IFNGR1: variants seen among roughly 807,000 people sequenced by gnomAD.
IFNGR1 encodes interferon gamma receptor 1.
Under a neutral mutation model 35.4 loss-of-function variants are expected in IFNGR1, and 23 were observed. The ratio of observed to expected loss-of-function variants is 0.65; its 90% CI spans 0.47 to 0.92. IFNGR1 has a LOEUF of 0.92. IFNGR1 is among the 40% of genes least tolerant of loss of function. The pLI is 0.00. For synonymous variants in IFNGR1, 199 were observed against 209.5 expected (o/e 0.95, Z 0.43); for missense variants, 533 against 583.4 (o/e 0.91, Z 0.89).
rs146802547 is a variant in IFNGR1 at position 137,213,505 on chromosome 6, A to G, written c.85+5738T>C. On this transcript the variant is annotated intron_variant, in intron 1 of 6. Transcript: ENST00000367739. ...ATTTGTTTTTCCTAACACTTTAATT[A>G]CAATGCAGAAAAAAAAAGGAGGGCC... is the stretch of plus-strand genomic sequence containing the variant. Among the ~76,000 whole-genome samples the G allele has an allele frequency of 8.0e-3, 1,218 of 152,324 alleles. 15 individuals are homozygous for G. The highest frequency in any genetic ancestry group is 0.028 in the African/African-American group (1,174 of 41,558).
At chr6:137,218,100 G>A (rs1246852762) in intron 1 of IFNGR1, among the ~76,000 whole-genome samples, 2 of 152,186 alleles carry the variant, frequency 1.3e-5, no homozygotes, top group African/African-American at 2.4e-5. Flanking sequence ...TTGGACTCTG[G>A]AGCCAAATTG....
chr6:137,204,528 A>G, intron 3 of IFNGR1, 24 bp from the exon 4 acceptor site: 1 of 1,571,562 alleles, frequency 6.4e-7, no homozygotes, highest in Non-Finnish European at 8.8e-7. Context: ...AGGAGGAAGT[A>G]TAATAAATAC....
At chr6:137,207,563 C>T (rs1283919784) in intron 1 of IFNGR1, among the ~76,000 whole-genome samples, 1 of 152,042 alleles carries the variant, frequency 6.6e-6, no homozygotes, top group African/African-American at 2.4e-5. Context: ...ATCATGGGGG[C>T]CAGTCTTTCC....
rs71583730 is a variant in IFNGR1, at chr6:137,197,770, T to C, written c.*261A>G. ...AGGAACCAGGAGTACTGGATACTGT[T>C]CCGTTACTGGTAACCTATCTGGATG... is the stretch of plus-strand genomic sequence containing the variant. On this transcript the variant is annotated 3_prime_UTR_variant, in exon 7 of 7. Transcript: ENST00000367739. 2.4e-6 allele frequency: 1 copy of C among 411,982 alleles called. No individual in the cohort carries two copies. The allele number at this position is 411,982 out of a possible 1,614,324, so 25.5% of individuals were successfully genotyped here.
chr6:137,214,842 C>CT (rs902286941), intron 1 of IFNGR1, among the ~76,000 whole-genome samples: 2 of 152,240 alleles, frequency 1.3e-5, no homozygotes, highest in Middle Eastern at 3.4e-3. Flanking sequence ...AAAAACCAAA[C>CT]TTTTTTGTCT....
chr6:137,199,429 A>T (rs1419065487), intron 6 of IFNGR1, among the ~76,000 whole-genome samples: 1 of 110,948 alleles, frequency 9.0e-6, no homozygotes, highest in Non-Finnish European at 1.8e-5. Context: ...TAAACATATA[A>T]TTTATAATAT....
At chr6:137,216,032 G>C (rs1466629606) in intron 1 of IFNGR1, among the ~76,000 whole-genome samples, 2 of 151,890 alleles carry the variant, frequency 1.3e-5, no homozygotes, top group Non-Finnish European at 2.9e-5. Flanking sequence ...ACCAAAATAT[G>C]GTCCTTTCAA....
chr6:137,199,528 A>AATATATAATTTATTATATATT (rs1562283402), intron 6 of IFNGR1, among the ~76,000 whole-genome samples: 745 of 36,808 alleles, frequency 0.02, 134 homozygotes, highest in Non-Finnish European at 0.025. Context: ...TATTATATAT[A>AATATATAATTTATTATATATT]ATATATAATA....
intron 1 of IFNGR1, among the ~76,000 whole-genome samples, chr6:137,211,878 C>A (rs368075168): frequency 1.3e-5 from 2 of 152,068 alleles, no homozygotes; most frequent in African/African-American, 4.8e-5. Flanking sequence ...CTTTTTCAAC[C>A]GGAAAACAGA....
At chr6:137,202,252 C>G (rs561943035) in intron 5 of IFNGR1, among the ~76,000 whole-genome samples, 2 of 152,364 alleles carry the variant, frequency 1.3e-5, no homozygotes, top group Non-Finnish European at 1.5e-5. Context: ...GCAGGCAGGG[C>G]TGCTGCTCAG....
In IFNGR1 at chr6:137,206,207, C is replaced by G; in HGVS notation, c.302G>C (p.Arg101Thr). The G allele has an allele frequency of 7.4e-6, 12 of 1,613,964 alleles. No individual in the cohort carries two copies. Among genetic ancestry groups the G allele is most frequent in the Non-Finnish European group, 1.0e-5 (12 of 1,179,854 alleles). Residue 101 changes from arginine to threonine, a missense_variant, in exon 3 of 7, where the codon AGA (arginine) becomes ACA (threonine). Transcript: ENST00000367739. ...VGDPSNSLWVRVKARVGQKES... is the reference protein window; with the variant it reads ...VGDPSNSLWVTVKARVGQKES... ...TTTTTGTCCAACCCTGGCTTTAACT[C>G]TGACCCAAAGAGAATTTGATGGATC...
chr6:137,215,367 T>C (rs1478700855), intron 1 of IFNGR1: 2 of 1,527,346 alleles, frequency 1.3e-6, no homozygotes, highest in Admixed American at 4.4e-5. Flanking sequence ...ATCACAATTA[T>C]ATTATGGCCA....
Position 137,198,383 on chromosome 6 carries a change from G to A in IFNGR1, c.1118C>T (p.Pro373Leu), listed in dbSNP as rs1214042066. ...AGGTGAAGAACTCTCTCTCTCTATTGGAGTCAGATGGCTGCCCGGGACCAC... is the reference window on the plus strand; with the variant it reads ...AGGTGAAGAACTCTCTCTCTCTATTAGAGTCAGATGGCTGCCCGGGACCAC... The part of the protein sequence containing the change: ...PDVVPGSHLT[P>L]IERESSSPLS... Residue 373 changes from proline (P) to leucine (L), a missense_variant, in exon 7 of 7, where the codon CCA (proline) becomes CTA (leucine). Coordinates refer to ENST00000367739, the MANE Select transcript of IFNGR1 (RefSeq NM_000416.3). 4 of 1,614,114 alleles carry A rather than the reference G, an allele frequency of 2.5e-6. No individual in the cohort carries two copies. Among genetic ancestry groups the A allele is most frequent in the Non-Finnish European group, 3.4e-6 (4 of 1,180,020 alleles).
At chr6:137,210,385 C>T (rs1345158940) in intron 1 of IFNGR1, among the ~76,000 whole-genome samples, 1 of 152,042 alleles carries the variant, frequency 6.6e-6, no homozygotes, top group East Asian at 1.9e-4. Context: ...ACTGAACACA[C>T]ACACTTCTCC....
intron 1 of IFNGR1, among the ~76,000 whole-genome samples, chr6:137,214,141 C>G (rs17175288): frequency 0.012 from 1,815 of 152,294 alleles, 38 homozygotes; most frequent in African/African-American, 0.041. Context: ...TTAAGAACAA[C>G]TCTCAGAGAA....
At chr6:137,202,975 A>T (rs773226531) in intron 5 of IFNGR1, among the ~76,000 whole-genome samples, 1 of 152,140 alleles carries the variant, frequency 6.6e-6, no homozygotes, top group Non-Finnish European at 1.5e-5. Context: ...ACATTAAAAG[A>T]TGAAATAAAA....
chr6:137,198,086 C>G lies in IFNGR1; in HGVS notation c.1415G>C (p.Gly472Ala). ...VLVDLLVDDS[G>A]KESLIGYRPT... ...TCTATAACCAATCAAGGACTCTTTA[C>G]CGCTATCATCCACAAGTAGATCCAC... Residue 472 changes from glycine (G) to alanine (A), a missense_variant, in exon 7 of 7, where the codon GGT (glycine) becomes GCT (alanine). By Grantham distance (60) the Gly-to-Ala change is moderately conservative. Coordinates refer to ENST00000367739, the MANE Select transcript of IFNGR1 (RefSeq NM_000416.3). 1 of 1,614,128 alleles carries G rather than the reference C, an allele frequency of 6.2e-7. No individual in the cohort carries two copies. Among genetic ancestry groups the G allele is most frequent in the Non-Finnish European group, 8.5e-7 (1 of 1,180,014 alleles).
chr6:137,211,488 T>C (rs1248837981), intron 1 of IFNGR1, among the ~76,000 whole-genome samples: 1 of 152,202 alleles, frequency 6.6e-6, no homozygotes, highest in East Asian at 1.9e-4. Context: ...AAATACTTCA[T>C]ACTACTAACT....
Position 137,200,946 on chromosome 6 carries a change from T to G in IFNGR1, c.796A>C (p.Ile266Leu). The G allele has an allele frequency of 6.2e-7, 1 of 1,611,474 alleles. No homozygotes were observed. Among genetic ancestry groups the G allele is most frequent in the Middle Eastern group, 1.7e-4 (1 of 6,050 alleles). The change falls in exon 6 of 7, where the codon ATC becomes CTC. Residue 266 changes from isoleucine (I) to leucine (L), a missense_variant. Physicochemically the swap from Ile to Leu is conservative, Grantham distance 5. Coordinates refer to ENST00000367739, the MANE Select transcript of IFNGR1 (RefSeq NM_000416.3). ...TTAATTTTCTTAATATAAAAACAGATGAATACCAGGCTAAGCACTAGAAAG... is the reference window on the plus strand; with the variant it reads ...TTAATTTTCTTAATATAAAAACAGAGGAATACCAGGCTAAGCACTAGAAAG... The part of the protein sequence containing the change: ...LLFLVLSLVF[I>L]CFYIKKINPL...
Sources: allele counts gnomAD v4.1 joint callset (sites outside exome capture counted in the v4.1 genomes callset), GRCh38; gene constraint gnomAD v4.1.1; transcripts MANE v1.5; gene names NCBI Gene and HGNC (gene_info 2026-07-23, HGNC 2026-07-21).